Variants in ANKS1B observed in about 807,000 individuals in gnomAD.
ANKS1B encodes the protein ankyrin repeat and sterile alpha motif domain containing 1B.
ANKS1B carries 36 observed loss-of-function variants against 148.3 expected under a neutral mutation model. The ratio of observed to expected loss-of-function variants is 0.24; its 90% CI spans 0.19 to 0.32. The LOEUF is 0.32. Ranked by LOEUF, ANKS1B falls within the 10% of genes least tolerant of loss-of-function variation. The probability of loss-of-function intolerance (pLI) is 1.00; values close to 1 mark genes in which losing one functional copy is unlikely to be tolerated. For synonymous variants in ANKS1B, 542 were observed against 560.8 expected (o/e 0.97, Z 0.47); for missense variants, 1,157 against 1,542.6 (o/e 0.75, Z 4.19).
intron 10 of ANKS1B, among the ~76,000 whole-genome samples, chr12:99,463,434 G>T (rs1200375775): frequency 6.6e-6 from 1 of 151,968 alleles, no homozygotes; most frequent in Non-Finnish European, 1.5e-5. Flanking sequence ...GCCAGACAGT[G>T]GGTGCAGGAC....
At chr12:99,532,528 T>A (rs548320535) in intron 9 of ANKS1B, among the ~76,000 whole-genome samples, 46 of 152,232 alleles carry the variant, frequency 3.0e-4, no homozygotes, top group African/African-American at 1.1e-3. Flanking sequence ...ACCTGGCTAA[T>A]TTTTTGCATT....
In ANKS1B at chr12:99,076,336, TGA is replaced by T. The variant is rs755317376; in HGVS notation, c.2625+8587_2625+8588del. Among the ~76,000 whole-genome samples the T allele has an allele frequency of 9.1e-4, 139 of 152,224 alleles. 1 individual carries two copies. The highest frequency in any genetic ancestry group is 1.3e-3 in the Non-Finnish European group (91 of 68,002). ...AGGAAGAAGATGAGAGAATTAAGGC[TGA>T]ATTTTAGGGAATATCAATGTATAAA... On this transcript the variant is annotated intron_variant, in intron 16 of 26. Coordinates refer to ENST00000683438, the MANE Select transcript of ANKS1B (RefSeq NM_001352186.2).
chr12:98,886,770 A>G (rs2099741015), intron 17 of ANKS1B, among the ~76,000 whole-genome samples: 1 of 152,226 alleles, frequency 6.6e-6, no homozygotes, highest in South Asian at 2.1e-4. Flanking sequence ...CAATGCTATT[A>G]AACAATGAAG....
chr12:98,744,456 A>G lies in ANKS1B; in HGVS notation c.*1283T>C, dbSNP rs2097840431. The G allele has an allele frequency of 1.4e-6, 1 of 718,400 alleles. No homozygotes were observed. The highest frequency in any genetic ancestry group is 1.3e-4 in the East Asian group (1 of 7,566). The allele number at this position is 718,400 out of a possible 1,614,324, so 44.5% of individuals were successfully genotyped here. ...AATGATTCACAATATGATTGTTAGA[A>G]CAATATACATTAAAATGTTATTTTT... On this transcript the variant is annotated 3_prime_UTR_variant, in exon 27 of 27. Transcript: ENST00000683438.
At chr12:99,444,324 G>A (rs2095599839) in intron 10 of ANKS1B, among the ~76,000 whole-genome samples, 1 of 151,926 alleles carries the variant, frequency 6.6e-6, no homozygotes, top group African/African-American at 2.4e-5. Context: ...GAAGCTTGAT[G>A]AAAAACTGAA....
chr12:99,540,843 G>A (rs1228391461), intron 9 of ANKS1B, among the ~76,000 whole-genome samples: 1 of 151,670 alleles, frequency 6.6e-6, no homozygotes, highest in Non-Finnish European at 1.5e-5. Flanking sequence ...TCAAAGAAAT[G>A]TAAGTTGGTT....
At chr12:99,120,729 T>C (rs1033755555) in intron 15 of ANKS1B, among the ~76,000 whole-genome samples, 3 of 152,138 alleles carry the variant, frequency 2.0e-5, no homozygotes, top group African/African-American at 7.2e-5. Flanking sequence ...TGCCATTTAC[T>C]GACATGGGAA....
intron 14 of ANKS1B, among the ~76,000 whole-genome samples, chr12:99,192,192 G>T: frequency 7.0e-6 from 1 of 143,738 alleles, no homozygotes. Context: ...GTAGGTGTTT[G>T]AGCTGGTACT....
chr12:99,194,989 T>C (rs1456119556), intron 14 of ANKS1B, among the ~76,000 whole-genome samples: 1 of 152,162 alleles, frequency 6.6e-6, no homozygotes, highest in Non-Finnish European at 1.5e-5. Context: ...GTTTTTTTAA[T>C]CATGCTAATA....
chr12:99,324,992 C>A (rs148491800), intron 12 of ANKS1B, among the ~76,000 whole-genome samples: 2 of 152,064 alleles, frequency 1.3e-5, no homozygotes, highest in East Asian at 1.9e-4. Flanking sequence ...GGTAAATACA[C>A]CTCATTCCCT....
chr12:99,562,307 T>C (rs1231739386), intron 9 of ANKS1B, among the ~76,000 whole-genome samples: 2 of 152,184 alleles, frequency 1.3e-5, no homozygotes, highest in South Asian at 2.1e-4. Flanking sequence ...TCTATGAGCA[T>C]TGGCTTCAAC....
intron 17 of ANKS1B, among the ~76,000 whole-genome samples, chr12:98,990,082 A>T (rs1449123349): frequency 1.3e-5 from 2 of 152,184 alleles, no homozygotes; most frequent in African/African-American, 2.4e-5. Flanking sequence ...TAGAGATTGC[A>T]TTGAATGTAT....
At chr12:98,787,380 C>T (rs1460334563) in intron 22 of ANKS1B, among the ~76,000 whole-genome samples, 4 of 152,292 alleles carry the variant, frequency 2.6e-5, no homozygotes, top group Non-Finnish European at 4.4e-5. Context: ...TGGGTCTCAG[C>T]GTGGTCTGCT....
chr12:99,027,106 G>T (rs1482317005), intron 17 of ANKS1B, among the ~76,000 whole-genome samples: 2 of 152,126 alleles, frequency 1.3e-5, no homozygotes, highest in Non-Finnish European at 2.9e-5. Context: ...TATACAGAGA[G>T]TTCAGGTTTA....
chr12:99,871,327 G>A (rs1310702639), intron 1 of ANKS1B, among the ~76,000 whole-genome samples: 1 of 152,028 alleles, frequency 6.6e-6, no homozygotes, highest in East Asian at 1.9e-4. Context: ...ATGGTATAGT[G>A]TGAACTCCAA....
intron 18 of ANKS1B, 127 bp downstream of exon 18, chr12:98,831,902 A>G (rs1427025266): frequency 1.1e-5 from 9 of 834,340 alleles, no homozygotes; most frequent in Non-Finnish European, 1.8e-5. Flanking sequence ...GACAGGCACA[A>G]CCACACCTGG....
At chr12:99,951,289 G>C (rs535078360) in intron 1 of ANKS1B, among the ~76,000 whole-genome samples, 29 of 152,300 alleles carry the variant, frequency 1.9e-4, no homozygotes, top group African/African-American at 6.3e-4. Flanking sequence ...TTTCAGTCTA[G>C]AGACTTACAT....
intron 1 of ANKS1B, among the ~76,000 whole-genome samples, chr12:99,927,257 T>G (rs2094498122): frequency 6.6e-6 from 1 of 152,204 alleles, no homozygotes; most frequent in African/African-American, 2.4e-5. Flanking sequence ...CAGTAGTCAA[T>G]AAATTCCCTT....
intron 8 of ANKS1B, among the ~76,000 whole-genome samples, chr12:99,721,158 C>T (rs1037928879): frequency 1.3e-5 from 2 of 152,150 alleles, no homozygotes; most frequent in African/African-American, 4.8e-5. Flanking sequence ...CAAAATCTTC[C>T]TTCAGCTTAA....
Sources: gnomAD v4.1 joint callset for allele counts (sites outside exome capture counted in the v4.1 genomes callset) on GRCh38, gnomAD v4.1.1 for gene constraint, MANE v1.5 for transcripts, NCBI Gene and HGNC (gene_info 2026-07-23, HGNC 2026-07-21) for gene names.